Variants in CDH20 observed in about 807,000 individuals in gnomAD.
CDH20 encodes cadherin-20.
CDH20 carries 29 observed loss-of-function variants against 74.2 expected under a neutral mutation model. The observed-to-expected ratio is 0.39, with a 90% CI of 0.29 to 0.53. The LOEUF (loss-of-function observed/expected upper bound fraction) is 0.53, where lower values mean the gene tolerates loss of function less well. Among genes scored for constraint, CDH20 ranks in the 20% least tolerant of loss-of-function variants. CDH20 has a pLI of 0.69. For synonymous variants in CDH20, 469 were observed against 405.4 expected, an observed-to-expected ratio of 1.16 and a Z score of -1.88; for missense variants, 988 against 1,048.3, an observed-to-expected ratio of 0.94 and a Z score of 0.79.
chr18:61,415,466 T>C (rs185847408), intron 1 of CDH20, among the ~76,000 whole-genome samples: 31 of 152,318 alleles, frequency 2.0e-4, no homozygotes, highest in African/African-American at 7.0e-4. Context: ...TGGACTAGAC[T>C]GAATCCTTCC....
chr18:61,540,500 G>A (rs144764464), intron 9 of CDH20, among the ~76,000 whole-genome samples: 29 of 152,248 alleles, frequency 1.9e-4, no homozygotes, highest in East Asian at 1.5e-3. Context: ...ATGGCAGCAG[G>A]CAAGACAGAC....
intron 1 of CDH20, among the ~76,000 whole-genome samples, chr18:61,336,822 G>GT (rs1181742714): frequency 6.6e-6 from 1 of 150,932 alleles, no homozygotes; most frequent in East Asian, 2.0e-4. Flanking sequence ...ATATATGGGG[G>GT]GGGGTGATGA....
chr18:61,375,212 G>A (rs1402552915), intron 1 of CDH20, among the ~76,000 whole-genome samples: 1 of 152,142 alleles, frequency 6.6e-6, no homozygotes, highest in Non-Finnish European at 1.5e-5. Context: ...TATAGCGGTA[G>A]CAGATAATCT....
intron 1 of CDH20, among the ~76,000 whole-genome samples, chr18:61,349,412 A>G (rs1172318468): frequency 2.6e-5 from 4 of 152,206 alleles, no homozygotes; most frequent in African/African-American, 7.2e-5. Context: ...GTTGAGATGT[A>G]TGAATATGAG....
intron 1 of CDH20, among the ~76,000 whole-genome samples, chr18:61,337,331 A>C (rs958209526): frequency 6.6e-6 from 1 of 152,220 alleles, no homozygotes; most frequent in Non-Finnish European, 1.5e-5. Flanking sequence ...ATGTGAAGTT[A>C]TAATAAAAAT....
Position 61,381,569 on chromosome 18 carries a change from T to C in CDH20, c.-153+47742T>C, listed in dbSNP as rs377072719. ...AAATAAAATTATCTTGCTGCAAAGA[T>C]GCAAAGCACATTAGAAATTCACCAA... On this transcript the variant is annotated intron_variant, in intron 1 of 11. Coordinates refer to ENST00000262717, the MANE Select transcript of CDH20 (RefSeq NM_031891.4). Among the ~76,000 whole-genome samples the C allele has an allele frequency of 2.0e-5, 3 of 152,340 alleles. No individual in the cohort carries two copies. The East Asian group carries it at 5.8e-4, about 29-fold the overall frequency.
chr18:61,342,374 A>G (rs984444429), intron 1 of CDH20, among the ~76,000 whole-genome samples: 1 of 152,224 alleles, frequency 6.6e-6, no homozygotes, highest in Non-Finnish European at 1.5e-5. Flanking sequence ...CACTTTGTAG[A>G]TGCAGAAACT....
At chr18:61,506,764 G>A (rs1453506451) in intron 5 of CDH20, among the ~76,000 whole-genome samples, 2 of 152,152 alleles carry the variant, frequency 1.3e-5, no homozygotes, top group Non-Finnish European at 2.9e-5. Context: ...GAAGCATGAA[G>A]GGTCTGTCCA....
At chr18:61,358,811 T>C (rs911516100) in intron 1 of CDH20, among the ~76,000 whole-genome samples, 18 of 152,218 alleles carry the variant, frequency 1.2e-4, no homozygotes, top group Non-Finnish European at 2.9e-5. Context: ...TTTTTGGTCA[T>C]AAAATATATT....
chr18:61,373,408 C>A (rs1390224510), intron 1 of CDH20, among the ~76,000 whole-genome samples: 1 of 151,978 alleles, frequency 6.6e-6, no homozygotes, highest in Non-Finnish European at 1.5e-5. Context: ...GACTATTACC[C>A]GAGACTACTT....
intron 1 of CDH20, among the ~76,000 whole-genome samples, chr18:61,490,039 G>C (rs140401983): frequency 1.3e-5 from 2 of 152,200 alleles, no homozygotes; most frequent in African/African-American, 4.8e-5. Flanking sequence ...GTAAATGAAT[G>C]CTGCTTTTAA....
Position 61,435,512 on chromosome 18 carries a change from T to C in CDH20, c.-152-54890T>C, listed in dbSNP as rs527401834. On this transcript the variant is annotated intron_variant, in intron 1 of 11. Coordinates refer to ENST00000262717, the MANE Select transcript of CDH20 (RefSeq NM_031891.4). ...ACCTAATACAGGCCAGGCATAATGC[T>C]AGATGCAGGTAGATAAATGGAAATA... 1.4e-4 allele frequency among the ~76,000 whole-genome samples: 22 copies of C among 152,128 alleles called. 1 individual carries two copies. The highest frequency in any genetic ancestry group is 3.3e-4 in the Admixed American group (5 of 15,274).
At chr18:61,378,253 T>G (rs1260055952) in intron 1 of CDH20, among the ~76,000 whole-genome samples, 1 of 152,206 alleles carries the variant, frequency 6.6e-6, no homozygotes, top group Non-Finnish European at 1.5e-5. Context: ...GCCATGGTAC[T>G]CTAGTGAAAC....
At chr18:61,469,695 T>C (rs368030782) in intron 1 of CDH20, among the ~76,000 whole-genome samples, 30 of 152,392 alleles carry the variant, frequency 2.0e-4, no homozygotes, top group South Asian at 1.4e-3. Flanking sequence ...AACATACGTA[T>C]GTATGTAAAG....
intron 3 of CDH20, among the ~76,000 whole-genome samples, chr18:61,500,084 C>A (rs1911312784): frequency 8.8e-6 from 1 of 113,458 alleles, no homozygotes; most frequent in Non-Finnish European, 1.7e-5. Flanking sequence ...AGCCTGGCGA[C>A]AGAGTGAGAC....
intron 1 of CDH20, among the ~76,000 whole-genome samples, chr18:61,483,419 T>C (rs1052936294): frequency 2.6e-5 from 4 of 152,194 alleles, no homozygotes; most frequent in African/African-American, 9.6e-5. Flanking sequence ...TGTTTCTTTG[T>C]AAACTGAGGA....
chr18:61,347,565 A>C (rs966109098), intron 1 of CDH20, among the ~76,000 whole-genome samples: 6 of 147,340 alleles, frequency 4.1e-5, no homozygotes, highest in Admixed American at 1.3e-4. Context: ...CACACACACA[A>C]AAACACAAAA....
At chr18:61,484,541 G>T (rs561021087) in intron 1 of CDH20, among the ~76,000 whole-genome samples, 2 of 152,118 alleles carry the variant, frequency 1.3e-5, no homozygotes, top group Admixed American at 6.5e-5. Flanking sequence ...GAGGAATTGG[G>T]CATGAACTCT....
intron 1 of CDH20, among the ~76,000 whole-genome samples, chr18:61,393,542 G>A (rs1375213273): frequency 6.6e-6 from 1 of 152,102 alleles, no homozygotes; most frequent in Non-Finnish European, 1.5e-5. Flanking sequence ...TATTTTTTAA[G>A]GATGCAAGAA....
Sources: gnomAD v4.1 joint callset for allele counts (sites outside exome capture counted in the v4.1 genomes callset) on GRCh38, gnomAD v4.1.1 for gene constraint, MANE v1.5 for transcripts, NCBI Gene and HGNC (gene_info 2026-07-23, HGNC 2026-07-21) for gene names.